Variants in GALNT13 observed in about 807,000 individuals in gnomAD.
GALNT13 encodes polypeptide N-acetylgalactosaminyltransferase 13.
Under a neutral mutation model 64.2 loss-of-function variants are expected in GALNT13, and 28 were observed. That is an observed-to-expected ratio of 0.44 (90% CI 0.32 to 0.60). The LOEUF (loss-of-function observed/expected upper bound fraction) is 0.60. Ranked by LOEUF, GALNT13 falls within the 20% of genes least tolerant of loss-of-function variation. The pLI, the probability that GALNT13 is intolerant of heterozygous loss-of-function variation, is 0.05. For missense variants in GALNT13, 577 were observed against 669.8 expected, an observed-to-expected ratio of 0.86 and a Z score of 1.53; for synonymous variants, 214 against 224.6, an observed-to-expected ratio of 0.95 and a Z score of 0.42.
the GALNT13 span, among the ~76,000 whole-genome samples, chr2:153,463,546 T>C: frequency 6.6e-6 from 1 of 151,986 alleles, no homozygotes; most frequent in Non-Finnish European, 1.5e-5. Context: ...CTCCTCCAAC[T>C]CCATCTATCT....
chr2:153,677,127 C>T, the GALNT13 span, among the ~76,000 whole-genome samples: 1 of 152,010 alleles, frequency 6.6e-6, no homozygotes, highest in African/African-American at 2.4e-5. Flanking sequence ...CCTAGAAAAC[C>T]CTATAGTCTC....
the GALNT13 span, among the ~76,000 whole-genome samples, chr2:153,182,454 A>G: frequency 9.9e-5 from 15 of 152,230 alleles, no homozygotes; most frequent in African/African-American, 3.6e-4. Context: ...TTATTCTTTA[A>G]CTTTTAAGTT....
At position 154,388,314 on chromosome 2, in the gene GALNT13, T is replaced by C. The variant is rs529030213; in HGVS notation, c.1157-7677T>C. 7.2e-5 allele frequency among the ~76,000 whole-genome samples: 11 copies of C among 152,306 alleles called. No individual in the cohort carries two copies. In the South Asian group the frequency reaches 1.2e-3, roughly 17 times the overall value. ...TCATGTATTTCAGATTTTAATCCCT[T>C]ATCAGATCCATGGCTTACATTTGTA... is the stretch of plus-strand genomic sequence containing the variant. On this transcript the variant is annotated intron_variant, in intron 9 of 12. Transcript: ENST00000392825.
At chr2:153,889,956 T>G (rs1202302323) in intron 1 of GALNT13, among the ~76,000 whole-genome samples, 1 of 151,806 alleles carries the variant, frequency 6.6e-6, no homozygotes, top group Non-Finnish European at 1.5e-5. Context: ...TTTAGTTTTG[T>G]GGGTGTGTCT....
At chr2:153,805,414 T>G in the GALNT13 span, among the ~76,000 whole-genome samples, 4 of 152,086 alleles carry the variant, frequency 2.6e-5, no homozygotes, top group African/African-American at 9.7e-5. Flanking sequence ...TTTTCAAATA[T>G]AAAGGTCACA....
chr2:154,321,283 G>T (rs1694609536), intron 9 of GALNT13, among the ~76,000 whole-genome samples: 1 of 152,050 alleles, frequency 6.6e-6, no homozygotes, highest in Non-Finnish European at 1.5e-5. Context: ...GTCTTTCACA[G>T]GTGGAGCTTT....
At chr2:153,268,985 A>G in the GALNT13 span, among the ~76,000 whole-genome samples, 4 of 152,308 alleles carry the variant, frequency 2.6e-5, no homozygotes, top group East Asian at 7.7e-4. Flanking sequence ...TGGACCTGTG[A>G]TGGGAGGGAC....
At chr2:153,745,202 T>C in the GALNT13 span, among the ~76,000 whole-genome samples, 1 of 152,008 alleles carries the variant, frequency 6.6e-6, no homozygotes, top group Non-Finnish European at 1.5e-5. Context: ...GTAATGAGAA[T>C]TGGGTGGTTA....
At chr2:154,072,884 C>T (rs547426868) in intron 3 of GALNT13, among the ~76,000 whole-genome samples, 1 of 152,076 alleles carries the variant, frequency 6.6e-6, no homozygotes, top group South Asian at 2.1e-4. Flanking sequence ...TAATTTCCTG[C>T]ATACCTCAGG....
chr2:153,393,472 A>T, the GALNT13 span, among the ~76,000 whole-genome samples: 1 of 152,048 alleles, frequency 6.6e-6, no homozygotes, highest in Non-Finnish European at 1.5e-5. Context: ...AGTTTAAAGA[A>T]TTCTTTTTTT....
At chr2:153,364,238 CA>C in the GALNT13 span, among the ~76,000 whole-genome samples, 4 of 152,006 alleles carry the variant, frequency 2.6e-5, no homozygotes, top group Non-Finnish European at 1.5e-5. Context: ...GAACATATCT[CA>C]AAATAATAGG....
the GALNT13 span, among the ~76,000 whole-genome samples, chr2:153,679,688 C>T: frequency 2.0e-5 from 3 of 151,854 alleles, no homozygotes; most frequent in African/African-American, 7.2e-5. Flanking sequence ...CAATCTTCCA[C>T]CTTTTTAAAA....
the GALNT13 span, among the ~76,000 whole-genome samples, chr2:153,556,519 T>C: frequency 6.6e-5 from 10 of 152,342 alleles, no homozygotes; most frequent in South Asian, 1.9e-3. Flanking sequence ...ACATCAGCTA[T>C]TTCCACAATT....
the GALNT13 span, among the ~76,000 whole-genome samples, chr2:153,767,482 G>T: frequency 2.2e-4 from 33 of 152,054 alleles, no homozygotes; most frequent in East Asian, 6.2e-3. Flanking sequence ...AGGTTTGCTG[G>T]GTCAAATAGG....
At chr2:153,398,475 C>G in the GALNT13 span, among the ~76,000 whole-genome samples, 484 of 151,878 alleles carry the variant, frequency 3.2e-3, 3 homozygotes, top group African/African-American at 0.011. Flanking sequence ...ATTTCCTGTT[C>G]TAGATCCCTG....
intron 3 of GALNT13, among the ~76,000 whole-genome samples, chr2:153,989,820 TG>T: frequency 6.6e-6 from 1 of 152,108 alleles, no homozygotes; most frequent in East Asian, 1.9e-4. Flanking sequence ...TTTTAAGGCA[TG>T]TTGATATGAT....
the GALNT13 span, among the ~76,000 whole-genome samples, chr2:153,777,460 G>C: frequency 1.3e-5 from 2 of 152,112 alleles, no homozygotes; most frequent in South Asian, 4.1e-4. Flanking sequence ...TAAGGAGGTG[G>C]GGCTGTTGGT....
the GALNT13 span, among the ~76,000 whole-genome samples, chr2:153,401,094 T>C: frequency 1.3e-5 from 2 of 152,130 alleles, no homozygotes; most frequent in African/African-American, 4.8e-5. Context: ...CACACTGCTT[T>C]GAATGTGTCC....
At chr2:153,724,885 G>A in the GALNT13 span, among the ~76,000 whole-genome samples, 1 of 151,202 alleles carries the variant, frequency 6.6e-6, no homozygotes, top group Non-Finnish European at 1.5e-5. Context: ...AACCATTGTG[G>A]AAGTCAGTGT....
Sources: gnomAD v4.1 joint callset for allele counts (sites outside exome capture counted in the v4.1 genomes callset) on GRCh38, gnomAD v4.1.1 for gene constraint, MANE v1.5 for transcripts, NCBI Gene and HGNC (gene_info 2026-07-23, HGNC 2026-07-21) for gene names.